Variants in ASAP1 observed in about 807,000 individuals in gnomAD.
The protein encoded by ASAP1 is ArfGAP with SH3 domain, ankyrin repeat and PH domain 1, also known as arf-GAP with SH3 domain, ANK repeat and PH domain-containing protein 1.
ASAP1 carries 43 observed loss-of-function variants against 145.2 expected under a neutral mutation model. The ratio of observed to expected loss-of-function variants is 0.30; its 90% confidence interval spans 0.23 to 0.38. The LOEUF (loss-of-function observed/expected upper bound fraction) is 0.38, where lower values mean the gene tolerates loss of function less well. Among genes scored for constraint, ASAP1 ranks in the 10% least tolerant of loss-of-function variants. The probability of loss-of-function intolerance (pLI) is 1.00; values close to 1 mark genes in which losing one functional copy is unlikely to be tolerated. For missense variants in ASAP1, 1,018 were observed against 1,355.3 expected (o/e 0.75, Z 3.91); for synonymous variants, 546 against 515.5 (o/e 1.06, Z -0.80).
chr8:130,154,374 G>C (rs560823544), intron 12 of ASAP1, among the ~76,000 whole-genome samples: 1 of 152,258 alleles, frequency 6.6e-6, no homozygotes, highest in East Asian at 1.9e-4. Flanking sequence ...GAAGAGTTTT[G>C]TGTGTGTGAA....
intron 7 of ASAP1, among the ~76,000 whole-genome samples, chr8:130,184,483 T>C (rs1814583576): frequency 6.6e-6 from 1 of 152,216 alleles, no homozygotes; most frequent in Admixed American, 6.5e-5. Flanking sequence ...CTACTTAATA[T>C]TTTCCCTGTC....
chr8:130,439,762 A>C (rs1830432204), intron 1 of ASAP1, among the ~76,000 whole-genome samples: 2 of 152,128 alleles, frequency 1.3e-5, no homozygotes, highest in Admixed American at 1.3e-4. Context: ...GTAAGCAGAC[A>C]CTCAGGGAAA....
intron 12 of ASAP1, among the ~76,000 whole-genome samples, chr8:130,153,813 T>G (rs558736337): frequency 1.9e-4 from 29 of 152,144 alleles, no homozygotes; most frequent in Non-Finnish European, 3.4e-4. Context: ...GGGGGTGGTG[T>G]TAATTAAGTA....
intron 5 of ASAP1, among the ~76,000 whole-genome samples, chr8:130,204,301 G>A (rs1269230289): frequency 2.6e-5 from 4 of 152,200 alleles, no homozygotes; most frequent in African/African-American, 9.7e-5. Flanking sequence ...TCTTGTATGT[G>A]GAAAAACTGT....
chr8:130,118,019 CT>C, intron 20 of ASAP1, 141 bp downstream of exon 20: 1 of 594,678 alleles, frequency 1.7e-6, no homozygotes, highest in South Asian at 2.4e-5. Flanking sequence ...GACTTCATGC[CT>C]GCAAAGCCAA....
intron 2 of ASAP1, among the ~76,000 whole-genome samples, chr8:130,365,970 C>T (rs938348403): frequency 1.3e-5 from 2 of 152,060 alleles, no homozygotes; most frequent in African/African-American, 2.4e-5. Flanking sequence ...TAAGAGCCAG[C>T]GAGAATTTTA....
At chr8:130,065,161 G>A (rs1340840550) in intron 27 of ASAP1, among the ~76,000 whole-genome samples, 1 of 152,094 alleles carries the variant, frequency 6.6e-6, no homozygotes, top group Non-Finnish European at 1.5e-5. Flanking sequence ...TTACAGGTCT[G>A]AGCCTTCTCA....
At chr8:130,167,327 TC>T (rs1298173240) in intron 11 of ASAP1, 1 of 611,026 alleles carries the variant, frequency 1.6e-6, no homozygotes, top group Non-Finnish European at 2.9e-6. Flanking sequence ...AAAAAAAAAA[TC>T]CAGAGTCATG....
At chr8:130,285,343 A>G (rs934448338) in intron 3 of ASAP1, among the ~76,000 whole-genome samples, 4 of 152,176 alleles carry the variant, frequency 2.6e-5, no homozygotes, top group African/African-American at 9.7e-5. Context: ...CAAAAAACAA[A>G]ACTGACTTGG....
At chr8:130,089,566 C>G (rs1027037793) in intron 25 of ASAP1, among the ~76,000 whole-genome samples, 1 of 152,214 alleles carries the variant, frequency 6.6e-6, no homozygotes, top group African/African-American at 2.4e-5. Flanking sequence ...GGTTGATCCC[C>G]TAAGTGCCTT....
chr8:130,329,310 G>A (rs1196568305), intron 3 of ASAP1, among the ~76,000 whole-genome samples: 1 of 152,200 alleles, frequency 6.6e-6, no homozygotes, highest in Non-Finnish European at 1.5e-5. Context: ...ACATTGGGTG[G>A]GAACCTCCCT....
chr8:130,301,913 T>G (rs909765790), intron 3 of ASAP1, among the ~76,000 whole-genome samples: 2 of 152,214 alleles, frequency 1.3e-5, no homozygotes, highest in Non-Finnish European at 2.9e-5. Context: ...TTCAAAGAAG[T>G]AGAATGACTG....
At chr8:130,150,638 G>C (rs1363155394) in intron 13 of ASAP1, among the ~76,000 whole-genome samples, 1 of 152,174 alleles carries the variant, frequency 6.6e-6, no homozygotes, top group Non-Finnish European at 1.5e-5. Context: ...CAGCACTTTG[G>C]GAGGCCGAGG....
intron 7 of ASAP1, among the ~76,000 whole-genome samples, chr8:130,183,544 G>A (rs1298113462): frequency 3.3e-5 from 5 of 151,994 alleles, no homozygotes; most frequent in East Asian, 1.9e-4. Flanking sequence ...GTTTTGCCAC[G>A]TTGGTCAGGC....
intron 13 of ASAP1, among the ~76,000 whole-genome samples, chr8:130,151,907 C>T (rs2097647236): frequency 6.6e-6 from 1 of 152,214 alleles, no homozygotes; most frequent in African/African-American, 2.4e-5. Flanking sequence ...AGTAACTAGC[C>T]AAGTTACAGC....
chr8:130,098,913 T>C (rs1466854710), intron 24 of ASAP1, among the ~76,000 whole-genome samples: 3 of 152,012 alleles, frequency 2.0e-5, no homozygotes, highest in Admixed American at 1.3e-4. Flanking sequence ...TTTGTATCCA[T>C]TAATCAGCCT....
At chr8:130,064,112 G>A (rs1349932628) in intron 27 of ASAP1, among the ~76,000 whole-genome samples, 9 of 152,176 alleles carry the variant, frequency 5.9e-5, no homozygotes, top group Admixed American at 5.9e-4. Flanking sequence ...ACCACCAGAT[G>A]GTTCAGGACA....
chr8:130,277,332 A>G (rs888383335), intron 3 of ASAP1, among the ~76,000 whole-genome samples: 1 of 152,232 alleles, frequency 6.6e-6, no homozygotes, highest in African/African-American at 2.4e-5. Flanking sequence ...GCAACAGGAG[A>G]AAAACACCAA....
intron 10 of ASAP1, among the ~76,000 whole-genome samples, chr8:130,167,860 A>G (rs2097683122): frequency 6.6e-6 from 1 of 152,260 alleles, no homozygotes; most frequent in South Asian, 2.1e-4. Context: ...TAAGCTAGAT[A>G]GTTAACTCTG....
Sources: gnomAD v4.1 joint callset for allele counts (sites outside exome capture counted in the v4.1 genomes callset) on GRCh38, gnomAD v4.1.1 for gene constraint, MANE v1.5 for transcripts, NCBI Gene and HGNC (gene_info 2026-07-23, HGNC 2026-07-21) for gene names.